Variants in PCDHGB5 observed in about 807,000 individuals in gnomAD.
The protein encoded by PCDHGB5 is protocadherin gamma-B5.
PCDHGB5 carries 48 observed loss-of-function variants against 62.9 expected under a neutral mutation model. The observed-to-expected ratio is 0.76, with a 90% CI of 0.61 to 0.97. The LOEUF (loss-of-function observed/expected upper bound fraction) is 0.97, where lower values mean the gene tolerates loss of function less well. PCDHGB5 is among the 50% of genes least tolerant of loss of function. The probability of loss-of-function intolerance (pLI) is 0.00; values close to 1 mark genes in which losing one functional copy is unlikely to be tolerated. For missense variants in PCDHGB5, 1,118 were observed against 1,198.6 expected (o/e 0.93, Z 0.99); for synonymous variants, 474 against 511.2 (o/e 0.93, Z 0.98).
chr5:141,420,857 C>T (rs1342820721), intron 1 of PCDHGB5, among the ~76,000 whole-genome samples: 1 of 152,220 alleles, frequency 6.6e-6, no homozygotes, highest in Non-Finnish European at 1.5e-5. Context: ...AAAGTTTTAA[C>T]GTCACATAAT....
intron 1 of PCDHGB5, chr5:141,422,941 G>C (rs777535652): frequency 1.2e-6 from 2 of 1,614,218 alleles, no homozygotes; most frequent in Non-Finnish European, 1.7e-6. Context: ...CCCCACAGAC[G>C]GCTCCACTGG....
At chr5:141,443,321 A>AC (rs1175439570) in intron 1 of PCDHGB5, among the ~76,000 whole-genome samples, 1 of 151,616 alleles carries the variant, frequency 6.6e-6, no homozygotes, top group African/African-American at 2.4e-5. Flanking sequence ...TCTCTACAAA[A>AC]AAAAAAAACA....
rs775290219 is a variant in PCDHGB5 at position 141,423,576 on chromosome 5, G to A, written c.2397+23052G>A. On this transcript the variant is annotated intron_variant, in intron 1 of 3. Transcript: ENST00000617380. ...ACTATGGGGACACGCTCATCAGCCAGGAGAGCTGTGAGAAAAGCGAGCCAC... is the reference window on the plus strand; with the variant it reads ...ACTATGGGGACACGCTCATCAGCCAAGAGAGCTGTGAGAAAAGCGAGCCAC... The A allele has an allele frequency of 1.9e-6, 3 of 1,613,588 alleles. No homozygotes were observed. In the Admixed American group the frequency reaches 5.0e-5, roughly 27 times the overall value.
At chr5:141,418,512 G>C (rs776986277) in intron 1 of PCDHGB5, 1 of 1,613,966 alleles carries the variant, frequency 6.2e-7, no homozygotes, top group Non-Finnish European at 8.5e-7. Context: ...TTAGATGGTG[G>C]GGACCCTCCC....
intron 1 of PCDHGB5, among the ~76,000 whole-genome samples, chr5:141,468,193 C>T (rs2099159672): frequency 6.6e-6 from 1 of 151,600 alleles, no homozygotes; most frequent in Non-Finnish European, 1.5e-5. Flanking sequence ...GGCATGGTGG[C>T]GGGTGCCTGT....
chr5:141,414,958 G>T, intron 1 of PCDHGB5: 2 of 1,614,024 alleles, frequency 1.2e-6, no homozygotes, highest in East Asian at 2.2e-5. Context: ...GGTGACCAAG[G>T]TGGTGGCGGT....
At chr5:141,494,776 C>T in intron 1 of PCDHGB5, 31 bp from the exon 2 acceptor site, 1 of 1,614,100 alleles carries the variant, frequency 6.2e-7, no homozygotes, top group East Asian at 2.2e-5. Context: ...CTCACGGGTA[C>T]TCAGCCCCTT....
chr5:141,399,984 A>C lies in PCDHGB5; in HGVS notation c.1857A>C (p.Thr619=), dbSNP rs1310810422. 1.2e-6 allele frequency: 2 copies of C among 1,612,296 alleles called. No individual in the cohort carries two copies. The highest frequency in any genetic ancestry group is 8.5e-7 in the Non-Finnish European group (1 of 1,179,626). The part of the protein sequence containing the change: ...EPGLFSLGLR[T]GEVRTARALG... The stretch of plus-strand genomic sequence containing the variant: ...GGCTCTTCAGCCTGGGGCTGCGCAC[A>C]GGAGAGGTGCGCACAGCGCGTGCCT... The change falls in exon 1 of 4, where the codon ACA becomes ACC. Residue 619 remains threonine (T), a synonymous_variant. Coordinates refer to ENST00000617380, the MANE Select transcript of PCDHGB5 (RefSeq NM_018925.3).
chr5:141,400,700 AAAG>A (rs1199384329), intron 1 of PCDHGB5, 176 bp downstream of exon 1: 5 of 728,844 alleles, frequency 6.9e-6, no homozygotes, highest in Non-Finnish European at 1.1e-5. Flanking sequence ...ATGTCGCATA[AAAG>A]AAGTAGCCTT....
At chr5:141,413,023 A>T in intron 1 of PCDHGB5, 1 of 729,646 alleles carries the variant, frequency 1.4e-6, no homozygotes, top group Non-Finnish European at 2.1e-6. Context: ...CACAAGCCCC[A>T]CAAACCGGCT....
intron 1 of PCDHGB5, among the ~76,000 whole-genome samples, chr5:141,456,359 G>A (rs2098853225): frequency 6.6e-6 from 1 of 152,158 alleles, no homozygotes; most frequent in Non-Finnish European, 1.5e-5. Context: ...TGGCGTCCAT[G>A]TGTGGTTCAG....
At chr5:141,456,352 C>T (rs1253586137) in intron 1 of PCDHGB5, among the ~76,000 whole-genome samples, 1 of 152,050 alleles carries the variant, frequency 6.6e-6, no homozygotes, top group Non-Finnish European at 1.5e-5. Flanking sequence ...GGAAGAATGG[C>T]GTCCATGTGT....
intron 1 of PCDHGB5, chr5:141,409,675 AG>A (rs2095301185): frequency 1.9e-6 from 3 of 1,613,304 alleles, no homozygotes; most frequent in African/African-American, 2.7e-5. Flanking sequence ...CCTACTCTAT[AG>A]TGGCGAGTGA....
intron 1 of PCDHGB5, chr5:141,422,174 A>G (rs763681065): frequency 5.1e-6 from 8 of 1,564,176 alleles, no homozygotes; most frequent in African/African-American, 2.8e-5. Flanking sequence ...TATAGATTCT[A>G]TGAGATGGAA....
chr5:141,433,767 G>T (rs1237334342), intron 1 of PCDHGB5, among the ~76,000 whole-genome samples: 1 of 151,532 alleles, frequency 6.6e-6, no homozygotes, highest in Non-Finnish European at 1.5e-5. Flanking sequence ...AACCTGGGAG[G>T]TGGAGGTTGC....
chr5:141,404,124 C>A, intron 1 of PCDHGB5: 1 of 1,613,272 alleles, frequency 6.2e-7, no homozygotes, highest in Non-Finnish European at 8.5e-7. Context: ...GAGAATCTAT[C>A]TTTTACATTA....
At chr5:141,409,995 C>A (rs777416137) in intron 1 of PCDHGB5, 2 of 1,613,308 alleles carry the variant, frequency 1.2e-6, no homozygotes, top group Admixed American at 3.3e-5. Flanking sequence ...GACGCCGACT[C>A]GGGACACAAC....
chr5:141,436,700 C>T (rs2097841356), intron 1 of PCDHGB5, among the ~76,000 whole-genome samples: 1 of 152,166 alleles, frequency 6.6e-6, no homozygotes, highest in Non-Finnish European at 1.5e-5. Flanking sequence ...AATGCCAGCA[C>T]ACTCGATGTT....
At chr5:141,408,504 G>C (rs752297449) in intron 1 of PCDHGB5, 2 of 1,613,936 alleles carry the variant, frequency 1.2e-6, no homozygotes, top group Non-Finnish European at 1.7e-6. Context: ...GAGAGAAGAA[G>C]ATGTGAGTTG....
Sources: allele counts gnomAD v4.1 joint callset (sites outside exome capture counted in the v4.1 genomes callset), GRCh38; gene constraint gnomAD v4.1.1; transcripts MANE v1.5; gene names NCBI Gene and HGNC (gene_info 2026-07-23, HGNC 2026-07-21).